ZNF222: variants seen among roughly 807,000 people sequenced by gnomAD.
ZNF222 encodes the protein zinc finger protein 222.
ZNF222 carries 8 observed loss-of-function variants against 11.6 expected under a neutral mutation model. The observed-to-expected ratio is 0.69, with a 90% CI of 0.41 to 1.25. ZNF222 has a LOEUF of 1.25. ZNF222 is among the 50% of genes most tolerant of loss of function. ZNF222 has a pLI of 0.01. For missense variants in ZNF222, 483 were observed against 576.1 expected (o/e 0.84, Z 1.65); for synonymous variants, 171 against 195.6 (o/e 0.87, Z 1.05).
intron 3 of ZNF222, among the ~76,000 whole-genome samples, chr19:44,029,491 A>G: frequency 6.6e-6 from 1 of 152,052 alleles, no homozygotes; most frequent in East Asian, 1.9e-4. Flanking sequence ...ATCTTTATAC[A>G]AATTTAATTG....
rs1976521980 is a variant in ZNF222, at chr19:44,032,310, T to C, written c.756T>C (p.Cys252=). 1.2e-6 allele frequency: 2 copies of C among 1,614,126 alleles called. No homozygotes were observed. The highest frequency in any genetic ancestry group is 1.7e-5 in the Admixed American group (1 of 60,030). ...KCEQCGKGFR[C]RSALKVHCKL... Reference sequence around the variant, plus strand: ...AGCAGTGTGGGAAAGGCTTCAGATGTAGATCAGCACTTAAAGTTCATTGCA... The same window carrying C: ...AGCAGTGTGGGAAAGGCTTCAGATGCAGATCAGCACTTAAAGTTCATTGCA... The change falls in exon 4 of 4, where the codon TGT becomes TGC. Residue 252 remains cysteine (C), a synonymous_variant. Transcript: ENST00000391960.
rs758191911 is a variant in ZNF222 at position 44,031,862 on chromosome 19, C to A, written c.308C>A (p.Thr103Lys). 9 of 1,614,140 alleles carry A rather than the reference C, an allele frequency of 5.6e-6. No homozygotes were observed. The highest frequency in any genetic ancestry group is 7.6e-6 in the Non-Finnish European group (9 of 1,180,006). Residue 103 changes from threonine to lysine, a missense_variant, in exon 4 of 4, where the codon ACA becomes AAA. Thr to Lys is a moderately conservative substitution (Grantham distance 78). Transcript: ENST00000391960. Reference sequence around the variant, plus strand: ...ATGGAGACTGTTCCAGAAGCAGGAACACATGAAGAATTTTCCTGCAAGCAA... The same window carrying A: ...ATGGAGACTGTTCCAGAAGCAGGAAAACATGAAGAATTTTCCTGCAAGCAA... Reference protein sequence around the residue: ...TEMETVPEAGTHEEFSCKQIW... With the variant: ...TEMETVPEAGKHEEFSCKQIW...
At chr19:44,028,958 T>A (rs1452598141) in intron 3 of ZNF222, among the ~76,000 whole-genome samples, 1 of 152,172 alleles carries the variant, frequency 6.6e-6, no homozygotes, top group East Asian at 1.9e-4. Context: ...ATACTTTAAG[T>A]CATGTCTATA....
In ZNF222 at chr19:44,027,426, C is replaced by T; in HGVS notation, c.198C>T (p.Phe66=). 2 of 1,614,112 alleles carry T rather than the reference C, an allele frequency of 1.2e-6. No homozygotes were observed. ...ATCAACCATTCCATGGAGATACTTT[C>T]CACTTCCTAAGGGAAGAAAAGTTTT... ...VGHQPFHGDT[F]HFLREEKFWV... is the part of the protein sequence containing the mutation. Residue 66 remains phenylalanine, a synonymous_variant, in exon 3 of 4, where the codon TTC becomes TTT. Coordinates refer to ENST00000391960, the MANE Select transcript of ZNF222 (RefSeq NM_001129996.2).
chr19:44,026,217 A>T (rs1287558347), intron 1 of ZNF222: 7 of 860,634 alleles, frequency 8.1e-6, no homozygotes, highest in Non-Finnish European at 1.1e-5. Context: ...CAAGTACTTT[A>T]TACCCCAAAA....
intron 3 of ZNF222, among the ~76,000 whole-genome samples, chr19:44,029,892 GACAA>G (rs548613786): frequency 7.7e-4 from 117 of 152,306 alleles, no homozygotes; most frequent in African/African-American, 2.4e-3. Flanking sequence ...GTGTAACACG[GACAA>G]ACATTTTTCA....
intron 3 of ZNF222, chr19:44,030,790 G>T (rs1976487435): frequency 6.6e-6 from 1 of 152,216 alleles, no homozygotes; most frequent in Non-Finnish European, 1.5e-5. Flanking sequence ...TTCCCATGTG[G>T]TTGTTTAGTC....
Position 44,032,394 on chromosome 19 carries a change from C to T in ZNF222, c.840C>T (p.His280=). 1 of 1,614,072 alleles carries T rather than the reference C, an allele frequency of 6.2e-7. No individual in the cohort carries two copies. The highest frequency in any genetic ancestry group is 8.5e-7 in the Non-Finnish European group (1 of 1,180,006). ...AGAAATGTGGGAAGGCTTTCATGCACAATTTCCAGCTTCAGAAACATCACA... is the reference window on the plus strand; with the variant it reads ...AGAAATGTGGGAAGGCTTTCATGCATAATTTCCAGCTTCAGAAACATCACA... The part of the protein sequence containing the change: ...NCEKCGKAFM[H]NFQLQKHHRI... Residue 280 remains histidine, a synonymous_variant, in exon 4 of 4, where the codon CAC becomes CAT. Transcript: ENST00000391960.
Position 44,025,484 on chromosome 19 carries a change from G to C in ZNF222, c.42+6G>C. The C allele has an allele frequency of 6.5e-7, 1 of 1,547,210 alleles. No homozygotes were observed. The highest frequency in any genetic ancestry group is 8.7e-7 in the Non-Finnish European group (1 of 1,145,088). ...AGCCTGGGCGGAGAGCAGAGGTTTG[G>C]AGGGGCGCGGGCGGGGATTGCCGTT... On this transcript the variant is annotated splice_donor_region_variant and intron_variant, in intron 1 of 3. Coordinates refer to ENST00000391960, the MANE Select transcript of ZNF222 (RefSeq NM_001129996.2). The surrounding 1 kb of genome is among the most constrained non-coding windows in gnomAD (Gnocchi z 4.6).
chr19:44,026,335 G>C (rs1208167937), intron 1 of ZNF222, among the ~76,000 whole-genome samples: 1 of 152,100 alleles, frequency 6.6e-6, no homozygotes, highest in African/African-American at 2.4e-5. Flanking sequence ...GTCCAGGTTA[G>C]AGCCTGAGTT....
At position 44,032,012 on chromosome 19, in the gene ZNF222, G is replaced by C; in HGVS notation, c.458G>C (p.Arg153Thr). The change falls in exon 4 of 4, where the codon AGA (arginine) becomes ACA (threonine). Residue 153 changes from arginine (R) to threonine (T), a missense_variant. Physicochemically the swap from Arg to Thr is moderately conservative, Grantham distance 71 (BLOSUM62 -1). Transcript: ENST00000391960. ...IKARLSTVHT[R>T]EKPFQGENCK... ...GCAAGACTATCTACAGTTCACACAA[G>C]AGAAAAACCTTTCCAGGGTGAAAAT... The C allele has an allele frequency of 6.8e-6, 11 of 1,614,168 alleles. No homozygotes were observed. Among genetic ancestry groups the C allele is most frequent in the Non-Finnish European group, 8.5e-6 (10 of 1,180,034 alleles).
At chr19:44,027,674 C>G (rs893370425) in intron 3 of ZNF222, among the ~76,000 whole-genome samples, 184 bp downstream of exon 3, 2 of 140,788 alleles carry the variant, frequency 1.4e-5, no homozygotes, top group South Asian at 5.2e-4. Context: ...CCAAAGTGAT[C>G]CGTAGGAAAC....
At chr19:44,029,177 G>GTTTTTTTTTTTTTTTTTTTTTTT (rs1568503536) in intron 3 of ZNF222, among the ~76,000 whole-genome samples, 1 of 125,914 alleles carries the variant, frequency 7.9e-6, no homozygotes, top group African/African-American at 3.2e-5. Flanking sequence ...ACAGTTGTTG[G>GTTTTTTTTTTTTTTTTTTTTTTT]TTTGTTTTGT....
chr19:44,029,214 T>G (rs1021249367), intron 3 of ZNF222, among the ~76,000 whole-genome samples: 32 of 132,944 alleles, frequency 2.4e-4, no homozygotes, highest in African/African-American at 7.7e-4. Context: ...TTTTTTTTTT[T>G]GTCTGTGCAG....
At chr19:44,030,899 T>G (rs940545555) in intron 3 of ZNF222, 1 of 152,022 alleles carries the variant, frequency 6.6e-6, no homozygotes, top group African/African-American at 2.4e-5. Flanking sequence ...CCCAAAGGAG[T>G]GGCCAGTCAC....
At chr19:44,029,239 T>C (rs1260144119) in intron 3 of ZNF222, among the ~76,000 whole-genome samples, 1 of 143,456 alleles carries the variant, frequency 7.0e-6, no homozygotes, top group African/African-American at 2.6e-5. Flanking sequence ...GCTTATCCAA[T>C]TTTGACTTTC....
chr19:44,026,327 C>A (rs1976359341), intron 1 of ZNF222, among the ~76,000 whole-genome samples: 2 of 152,020 alleles, frequency 1.3e-5, no homozygotes, highest in Non-Finnish European at 1.5e-5. Flanking sequence ...CCTAGGCAGT[C>A]CAGGTTAGAG....
chr19:44,031,460 C>T (rs936915878), intron 3 of ZNF222, among the ~76,000 whole-genome samples: 1 of 151,834 alleles, frequency 6.6e-6, no homozygotes, highest in Admixed American at 6.6e-5. Context: ...TGTTTTTGTT[C>T]GTTTGTTTGT....
Position 44,025,664 on chromosome 19 carries a change from A to T in ZNF222, c.42+186A>T, listed in dbSNP as rs1178854311. On this transcript the variant is annotated intron_variant, in intron 1 of 3. Transcript: ENST00000391960. The surrounding 1 kb of genome is among the most constrained non-coding windows in gnomAD (Gnocchi z 4.6). ...TTCAGTGTGGTGTGGAGTGTCACTT[A>T]ATGTCCGTTTATCTTCCATTGCTGG... 6.6e-6 allele frequency among the ~76,000 whole-genome samples: 1 copy of T among 151,244 alleles called. No individual in the cohort carries two copies. Among genetic ancestry groups the T allele is most frequent in the Non-Finnish European group, 1.5e-5 (1 of 67,880 alleles).
Sources: gnomAD v4.1 joint callset for allele counts (sites outside exome capture counted in the v4.1 genomes callset) on GRCh38, gnomAD v4.1.1 for gene constraint, Gnocchi (gnomAD v3.1) non-coding constraint, MANE v1.5 for transcripts, NCBI Gene and HGNC (gene_info 2026-07-23, HGNC 2026-07-21) for gene names.